PDE3B: variants seen among roughly 807,000 people sequenced by gnomAD.
PDE3B encodes the protein cGMP-inhibited 3',5'-cyclic phosphodiesterase 3B.
PDE3B carries 66 observed loss-of-function variants against 116.8 expected under a neutral mutation model. The observed-to-expected ratio is 0.56, with a 90% CI of 0.46 to 0.69. The LOEUF is 0.69. Among genes scored for constraint, PDE3B ranks in the 30% least tolerant of loss-of-function variants. PDE3B has a pLI of 0.00. For synonymous variants in PDE3B, 595 were observed against 533.6 expected, an observed-to-expected ratio of 1.12 and a Z score of -1.59; for missense variants, 1,384 against 1,368.1, an observed-to-expected ratio of 1.01 and a Z score of -0.18.
At chr11:14,753,961 A>G (rs1857119950) in intron 1 of PDE3B, among the ~76,000 whole-genome samples, 1 of 151,920 alleles carries the variant, frequency 6.6e-6, no homozygotes, top group Admixed American at 6.6e-5. Context: ...AATAAGATAG[A>G]GTGAATGTGG....
chr11:14,858,936 A>G, intron 12 of PDE3B, 107 bp from the exon 13 acceptor site: 1 of 687,954 alleles, frequency 1.5e-6, no homozygotes, highest in South Asian at 2.1e-5. Context: ...TAAAATGCCT[A>G]GTATATAGTA....
the PDE3B span, among the ~76,000 whole-genome samples, chr11:14,878,656 G>T: frequency 6.6e-6 from 1 of 152,126 alleles, no homozygotes; most frequent in South Asian, 2.1e-4. Context: ...TTCTTCTCCA[G>T]TGAAGGGGAA....
chr11:14,673,224 T>C (rs534140752), intron 1 of PDE3B, among the ~76,000 whole-genome samples: 1 of 151,976 alleles, frequency 6.6e-6, no homozygotes, highest in South Asian at 2.1e-4. Context: ...GAATTGAACC[T>C]TTGGCACTAG....
intron 7 of PDE3B, among the ~76,000 whole-genome samples, chr11:14,825,097 C>T (rs904788543): frequency 6.6e-6 from 1 of 152,102 alleles, no homozygotes; most frequent in Non-Finnish European, 1.5e-5. Flanking sequence ...TTTGTTACTA[C>T]CATTTGTTAC....
At chr11:14,674,157 A>G in intron 1 of PDE3B, 1 of 1,326,084 alleles carries the variant, frequency 7.5e-7, no homozygotes, top group African/African-American at 1.4e-5. Flanking sequence ...TTTTCTTCCG[A>G]GGAGGCCAAG....
At chr11:14,723,599 A>T (rs974504919) in intron 1 of PDE3B, among the ~76,000 whole-genome samples, 23 of 151,108 alleles carry the variant, frequency 1.5e-4, no homozygotes, top group Admixed American at 2.0e-4. Flanking sequence ...ACACAAATTT[A>T]AAAAAAAACC....
At position 14,671,232 on chromosome 11, in the gene PDE3B, A is replaced by G. The variant is rs1183046070; in HGVS notation, c.978+26179A>G. Among the ~76,000 whole-genome samples, 5 of 152,304 alleles carry G rather than the reference A, an allele frequency of 3.3e-5. No homozygotes were observed. In the East Asian group the frequency reaches 9.6e-4, roughly 29 times the overall value. On this transcript the variant is annotated intron_variant, in intron 1 of 15. Transcript: ENST00000282096. ...CAGAATAATAGTATAAAGGGATACT[A>G]GGGCTTTGGATGGTGGAGGTGAAGA...
At chr11:14,683,440 T>G (rs979338346) in intron 1 of PDE3B, among the ~76,000 whole-genome samples, 3 of 152,182 alleles carry the variant, frequency 2.0e-5, no homozygotes, top group Admixed American at 1.3e-4. Flanking sequence ...TCATTTCATC[T>G]AAGTTACTGA....
chr11:14,875,936 G>T (rs150229457), downstream of PDE3B, among the ~76,000 whole-genome samples: 1 of 152,300 alleles, frequency 6.6e-6, no homozygotes, highest in East Asian at 1.9e-4. Flanking sequence ...AAACTTGGAA[G>T]CAAGGCAATG....
the PDE3B span, among the ~76,000 whole-genome samples, chr11:14,894,169 G>A: frequency 2.6e-5 from 4 of 152,234 alleles, no homozygotes; most frequent in East Asian, 7.7e-4. Context: ...TCTACCTACT[G>A]CCTATTACAA....
At chr11:14,778,358 G>A (rs1857857779) in intron 2 of PDE3B, among the ~76,000 whole-genome samples, 1 of 152,242 alleles carries the variant, frequency 6.6e-6, no homozygotes, top group Non-Finnish European at 1.5e-5. Flanking sequence ...AGAATGGACA[G>A]ACTGCCTCCT....
intron 1 of PDE3B, among the ~76,000 whole-genome samples, chr11:14,694,354 T>G (rs1381300331): frequency 6.6e-6 from 1 of 152,108 alleles, no homozygotes; most frequent in Non-Finnish European, 1.5e-5. Context: ...GAGAAGTTCT[T>G]CCCGAAAGGA....
intron 1 of PDE3B, among the ~76,000 whole-genome samples, chr11:14,650,392 A>T (rs764816361): frequency 1.3e-5 from 2 of 151,840 alleles, no homozygotes; most frequent in Non-Finnish European, 2.9e-5. Context: ...TTTTTTGTAG[A>T]GAAGGGGTTT....
At chr11:14,716,246 C>A (rs1180889821) in intron 1 of PDE3B, among the ~76,000 whole-genome samples, 1 of 152,232 alleles carries the variant, frequency 6.6e-6, no homozygotes, top group Non-Finnish European at 1.5e-5. Context: ...AGACTATATC[C>A]CACACCTGGC....
chr11:14,899,186 C>T, the PDE3B span, among the ~76,000 whole-genome samples: 1 of 152,138 alleles, frequency 6.6e-6, no homozygotes, highest in African/African-American at 2.4e-5. Flanking sequence ...ATTACCTTTC[C>T]ACATGCTTTT....
chr11:14,689,398 A>G (rs1404164697), intron 1 of PDE3B, among the ~76,000 whole-genome samples: 1 of 152,172 alleles, frequency 6.6e-6, no homozygotes, highest in African/African-American at 2.4e-5. Context: ...AGTATATTTT[A>G]TTGAAGGCCT....
intron 1 of PDE3B, among the ~76,000 whole-genome samples, chr11:14,698,007 T>TATAA (rs1855260780): frequency 6.6e-6 from 1 of 152,060 alleles, no homozygotes; most frequent in Non-Finnish European, 1.5e-5. Flanking sequence ...TTTTCCTGAC[T>TATAA]ATAACCTTTA....
intron 1 of PDE3B, among the ~76,000 whole-genome samples, chr11:14,759,083 T>G (rs932298267): frequency 6.6e-6 from 1 of 152,142 alleles, no homozygotes; most frequent in Non-Finnish European, 1.5e-5. Context: ...TTGATTTGCG[T>G]ATATTGAACC....
intron 1 of PDE3B, among the ~76,000 whole-genome samples, chr11:14,739,915 G>C (rs1856714721): frequency 6.6e-6 from 1 of 152,246 alleles, no homozygotes; most frequent in South Asian, 2.1e-4. Flanking sequence ...TTATTGATTT[G>C]TGTATGTTGA....
Sources: gnomAD v4.1 joint callset for allele counts (sites outside exome capture counted in the v4.1 genomes callset) on GRCh38, gnomAD v4.1.1 for gene constraint, MANE v1.5 for transcripts, NCBI Gene and HGNC (gene_info 2026-07-23, HGNC 2026-07-21) for gene names.